Variants in PPP4R1 observed in about 807,000 individuals in gnomAD.
PPP4R1 encodes protein phosphatase 4 regulatory subunit 1, also known as serine/threonine-protein phosphatase 4 regulatory subunit 1.
In PPP4R1, 42 loss-of-function variants were observed where a neutral mutation model predicts 111.2. The ratio of observed to expected loss-of-function variants is 0.38; its 90% confidence interval spans 0.29 to 0.49. PPP4R1 has a LOEUF of 0.49. Among genes scored for constraint, PPP4R1 ranks in the 20% least tolerant of loss-of-function variants. The probability of loss-of-function intolerance (pLI) is 0.97; values close to 1 mark genes in which losing one functional copy is unlikely to be tolerated. For synonymous variants in PPP4R1, 409 were observed against 405.5 expected (o/e 1.01, Z -0.10); for missense variants, 1,012 against 1,161.6 (o/e 0.87, Z 1.87).
chr18:9,572,605 A>G (rs963607273), intron 10 of PPP4R1, among the ~76,000 whole-genome samples: 4 of 152,212 alleles, frequency 2.6e-5, no homozygotes, highest in Non-Finnish European at 5.9e-5. Context: ...ACAATAAAAG[A>G]TGTTTAACAG....
chr18:9,570,290 G>A lies in PPP4R1; in HGVS notation c.1440C>T (p.Pro480=), dbSNP rs78019108. Reference sequence around the variant, plus strand: ...ATTCTTCCTCTGGTCCCTCTGGGCTGGGTTTTCCCCCAGAGTTCTGTTCAA... The same window carrying A: ...ATTCTTCCTCTGGTCCCTCTGGGCTAGGTTTTCCCCCAGAGTTCTGTTCAA... ...IELEQNSGGK[P]SPEGPEEESE... The change falls in exon 11 of 20, where the codon CCC becomes CCT. Residue 480 remains proline (P), a synonymous_variant. Coordinates refer to ENST00000400556, the MANE Select transcript of PPP4R1 (RefSeq NM_001042388.3). 47 of 1,612,296 alleles carry A rather than the reference G, an allele frequency of 2.9e-5. No individual in the cohort carries two copies. The East Asian group carries it at 6.5e-4, about 22-fold the overall frequency.
intron 9 of PPP4R1, among the ~76,000 whole-genome samples, chr18:9,578,706 T>C (rs903612627): frequency 7.9e-5 from 12 of 152,150 alleles, no homozygotes; most frequent in Middle Eastern, 3.2e-3. Context: ...AATGACTCAA[T>C]TGATTTTTTA....
chr18:9,561,970 G>A lies in PPP4R1; in HGVS notation c.1842+10C>T. On this transcript the variant is annotated intron_variant, in intron 13 of 19. Transcript: ENST00000400556. ...ACACCCACAAAAGAACACATTTTTT[G>A]GTCACTTACTTGTACTTTAGTTCTC... is the stretch of plus-strand genomic sequence containing the variant. The A allele has an allele frequency of 6.3e-7, 1 of 1,585,312 alleles. No individual in the cohort carries two copies. The highest frequency in any genetic ancestry group is 8.7e-7 in the Non-Finnish European group (1 of 1,154,542).
chr18:9,567,531 C>T (rs1207219492), intron 11 of PPP4R1, among the ~76,000 whole-genome samples: 2 of 152,138 alleles, frequency 1.3e-5, no homozygotes, highest in African/African-American at 4.8e-5. Context: ...CCTGACCAAA[C>T]TTGAACAAAT....
At chr18:9,549,425 C>T in intron 18 of PPP4R1, 87 bp from the exon 19 acceptor site, 2 of 1,493,484 alleles carry the variant, frequency 1.3e-6, no homozygotes, top group East Asian at 2.3e-5. Context: ...TGAGTGACCA[C>T]AGGTACAAAT....
intron 15 of PPP4R1, among the ~76,000 whole-genome samples, chr18:9,555,549 C>T (rs780531180): frequency 6.6e-6 from 1 of 152,096 alleles, no homozygotes; most frequent in African/African-American, 2.4e-5. Flanking sequence ...CTTCTCGTCA[C>T]CAATGATGGG....
At chr18:9,613,199 T>C (rs983655268) in intron 2 of PPP4R1, among the ~76,000 whole-genome samples, 3 of 152,250 alleles carry the variant, frequency 2.0e-5, no homozygotes, top group African/African-American at 7.2e-5. Flanking sequence ...CCCTTATGTA[T>C]CCCATGATCT....
At chr18:9,588,380 T>C in intron 5 of PPP4R1, 145 bp from the exon 6 acceptor site, 1 of 962,732 alleles carries the variant, frequency 1.0e-6, no homozygotes, top group Admixed American at 2.9e-5. Flanking sequence ...TTTATTTTCT[T>C]CAACTATTAC....
intron 18 of PPP4R1, 134 bp downstream of exon 18, chr18:9,549,918 C>CT: frequency 7.5e-7 from 1 of 1,334,456 alleles, no homozygotes; most frequent in Non-Finnish European, 1.0e-6. Flanking sequence ...GCAGATGATC[C>CT]TATAAACAGC....
chr18:9,557,760 A>G (rs2066611103), intron 14 of PPP4R1, among the ~76,000 whole-genome samples: 2 of 152,148 alleles, frequency 1.3e-5, no homozygotes, highest in African/African-American at 4.8e-5. Flanking sequence ...ATGCCGACGT[A>G]CTGAGGCTGC....
At chr18:9,560,713 C>A (rs1164935026) in intron 13 of PPP4R1, among the ~76,000 whole-genome samples, 1 of 152,046 alleles carries the variant, frequency 6.6e-6, no homozygotes, top group East Asian at 1.9e-4. Flanking sequence ...TAAAAATTGG[C>A]TAGATGTGGC....
chr18:9,547,990 C>T, intron 19 of PPP4R1, 38 bp from the exon 20 acceptor site: 7 of 1,599,530 alleles, frequency 4.4e-6, no homozygotes, highest in Non-Finnish European at 6.0e-6. Context: ...TGAAACCAGT[C>T]CAACGGAACA....
chr18:9,588,574 TA>T, intron 5 of PPP4R1, 136 bp downstream of exon 5: 1 of 999,922 alleles, frequency 1.0e-6, no homozygotes, highest in Non-Finnish European at 1.4e-6. Context: ...TGTCAGACTC[TA>T]AACACATCTT....
In PPP4R1 at chr18:9,614,193, ACTG is replaced by A. The variant is rs1180702447; in HGVS notation, c.52+30_52+32del. 7.6e-7 allele frequency: 1 copy of A among 1,320,872 alleles called. No homozygotes were observed. The highest frequency in any genetic ancestry group is 9.8e-7 in the Non-Finnish European group (1 of 1,022,172). 81.8% of individuals were successfully genotyped at this position (1,320,872 alleles called of 1,614,324 possible). A position where few individuals can be genotyped will look rare whatever the true frequency, so the allele number is the denominator to read the frequency against. On this transcript the variant is annotated intron_variant, in intron 2 of 19. Transcript: ENST00000400556. The surrounding 1 kb of genome is among the most constrained non-coding windows in gnomAD (Gnocchi z 4.1). The stretch of plus-strand genomic sequence containing the variant: ...CGCCCTCCCCGGCCGCTCCCCGCGG[ACTG>A]CCAGGCCACCGCGAGGCCGGGCCAC...
chr18:9,550,643 T>A, intron 16 of PPP4R1: 1 of 467,514 alleles, frequency 2.1e-6, no homozygotes, highest in Non-Finnish European at 3.8e-6. Context: ...GAGTTCTGCA[T>A]CCATGGGGAC....
intron 2 of PPP4R1, among the ~76,000 whole-genome samples, chr18:9,604,144 T>G (rs978447584): frequency 6.6e-6 from 1 of 152,166 alleles, no homozygotes; most frequent in Non-Finnish European, 1.5e-5. Context: ...ATGGAGAAAA[T>G]TTTGAATGTC....
chr18:9,578,793 G>A (rs889756523), intron 9 of PPP4R1, among the ~76,000 whole-genome samples: 1 of 152,060 alleles, frequency 6.6e-6, no homozygotes, highest in Non-Finnish European at 1.5e-5. Flanking sequence ...TCTCCCCTTC[G>A]TAAGTCACTT....
At chr18:9,597,062 G>A (rs2067301578) in intron 2 of PPP4R1, among the ~76,000 whole-genome samples, 1 of 152,130 alleles carries the variant, frequency 6.6e-6, no homozygotes, top group East Asian at 1.9e-4. Flanking sequence ...GAGCACGGGA[G>A]GTCGAGGGTG....
At chr18:9,567,800 G>A (rs957284473) in intron 11 of PPP4R1, among the ~76,000 whole-genome samples, 5 of 152,062 alleles carry the variant, frequency 3.3e-5, no homozygotes, top group African/African-American at 9.7e-5. Flanking sequence ...AAGCTTCCAC[G>A]CTGTTTTATT....
Sources: gnomAD v4.1 joint callset for allele counts (sites outside exome capture counted in the v4.1 genomes callset) on GRCh38, gnomAD v4.1.1 for gene constraint, Gnocchi (gnomAD v3.1) non-coding constraint, MANE v1.5 for transcripts, NCBI Gene and HGNC (gene_info 2026-07-23, HGNC 2026-07-21) for gene names.